NRG3: variants seen among roughly 807,000 people sequenced by gnomAD.
NRG3 encodes the protein pro-neuregulin-3, membrane-bound isoform.
A neutral mutation model predicts 66.9 loss-of-function variants in NRG3; 31 were observed. That is an observed-to-expected ratio of 0.46 (90% CI 0.35 to 0.63). The LOEUF (loss-of-function observed/expected upper bound fraction) is 0.63, where lower values mean the gene tolerates loss of function less well. Ranked by LOEUF, NRG3 falls within the 20% of genes least tolerant of loss-of-function variation. The pLI, the probability that NRG3 is intolerant of heterozygous loss-of-function variation, is 0.00. For missense variants in NRG3, 910 were observed against 878.9 expected (o/e 1.04, Z -0.45); for synonymous variants, 393 against 359.4 (o/e 1.09, Z -1.06).
intron 1 of NRG3, among the ~76,000 whole-genome samples, chr10:82,117,226 C>T (rs893972935): frequency 6.6e-6 from 1 of 152,262 alleles, no homozygotes; most frequent in Non-Finnish European, 1.5e-5. Flanking sequence ...GAGTTCTCCT[C>T]TCTCAGCTCT....
chr10:82,543,763 T>A (rs2043706766), intron 2 of NRG3, among the ~76,000 whole-genome samples: 1 of 152,204 alleles, frequency 6.6e-6, no homozygotes, highest in Non-Finnish European at 1.5e-5. Flanking sequence ...ATTCAAGGAT[T>A]CATTCGTTCA....
chr10:82,419,819 G>A (rs969304295), intron 2 of NRG3, among the ~76,000 whole-genome samples: 1 of 152,074 alleles, frequency 6.6e-6, no homozygotes, highest in East Asian at 1.9e-4. Context: ...TATTGACCCT[G>A]TTTTTCCTCC....
intron 2 of NRG3, among the ~76,000 whole-genome samples, chr10:82,408,085 CAGAAAGAAAGAAAGAA>C (rs71009807): frequency 0.012 from 896 of 74,832 alleles, 10 homozygotes; most frequent in Middle Eastern, 0.017. Flanking sequence ...GAGAGAGAGA[CAGAAAGAAAGAAAGAA>C]AGAAAGAAAG....
At chr10:82,924,476 A>T (rs753518499) in intron 4 of NRG3, among the ~76,000 whole-genome samples, 2 of 152,064 alleles carry the variant, frequency 1.3e-5, no homozygotes, top group Non-Finnish European at 2.9e-5. Flanking sequence ...CATAAGGCAG[A>T]AGAGGAAGCA....
intron 4 of NRG3, among the ~76,000 whole-genome samples, chr10:82,935,254 C>G (rs1371540854): frequency 1.3e-5 from 2 of 152,158 alleles, no homozygotes; most frequent in Admixed American, 6.5e-5. Context: ...AGAACGAGAT[C>G]GTCTCTAGAA....
At chr10:82,318,522 C>A (rs142702726) in intron 1 of NRG3, among the ~76,000 whole-genome samples, 1 of 152,292 alleles carries the variant, frequency 6.6e-6, no homozygotes, top group Non-Finnish European at 1.5e-5. Context: ...CTTCAGGACC[C>A]TTCTCGTTTG....
chr10:82,021,029 A>G (rs2132748189), intron 1 of NRG3, among the ~76,000 whole-genome samples: 2 of 152,048 alleles, frequency 1.3e-5, no homozygotes, highest in Middle Eastern at 6.8e-3. Flanking sequence ...GGAAGTGGAG[A>G]TGTGTGTGGT....
chr10:82,265,336 G>T (rs191290438), intron 1 of NRG3, among the ~76,000 whole-genome samples: 1 of 152,168 alleles, frequency 6.6e-6, no homozygotes, highest in Non-Finnish European at 1.5e-5. Context: ...CTGGATTTAT[G>T]TAAGGTATTA....
intron 1 of NRG3, among the ~76,000 whole-genome samples, chr10:82,152,595 G>A (rs1312147630): frequency 2.6e-5 from 4 of 151,900 alleles, no homozygotes; most frequent in African/African-American, 4.8e-5. Flanking sequence ...TGCCAGTTGC[G>A]GAACCTCAGA....
intron 2 of NRG3, among the ~76,000 whole-genome samples, chr10:82,670,752 A>G (rs1393726624): frequency 6.6e-6 from 1 of 152,132 alleles, no homozygotes; most frequent in Non-Finnish European, 1.5e-5. Context: ...CAAAACAAAA[A>G]CACAAATTTA....
intron 1 of NRG3, among the ~76,000 whole-genome samples, chr10:82,032,391 T>TTTG (rs142925186): frequency 0.74 from 111,865 of 150,586 alleles, 41,869 homozygotes; most frequent in Admixed American, 0.81. Flanking sequence ...TGGTTCCTGG[T>TTTG]TTGTTGTTGT....
chr10:82,299,568 G>A (rs1334002335), intron 1 of NRG3, among the ~76,000 whole-genome samples: 2 of 148,926 alleles, frequency 1.3e-5, no homozygotes, highest in Admixed American at 1.3e-4. Context: ...TTTTATTGTT[G>A]TTGTTAGTTT....
intron 1 of NRG3, among the ~76,000 whole-genome samples, chr10:82,233,557 T>C (rs1436357570): frequency 2.6e-5 from 4 of 152,166 alleles, no homozygotes; most frequent in African/African-American, 9.7e-5. Flanking sequence ...TGACTTTCAA[T>C]CCAGTAGCCT....
At position 82,936,728 on chromosome 10, in the gene NRG3, CAT is replaced by C. The variant is rs541099125; in HGVS notation, c.1055-14738_1055-14737del. ...TGTACACAATAAACACATATAATTT[CAT>C]ATGTCAATTTAAAAATAAGTAAATA... On this transcript the variant is annotated intron_variant, in intron 4 of 8. Coordinates refer to ENST00000372141, the MANE Select transcript of NRG3 (RefSeq NM_001010848.4). Among the ~76,000 whole-genome samples the C allele has an allele frequency of 1.8e-3, 271 of 152,072 alleles. 1 individual carries two copies. The highest frequency in any genetic ancestry group is 2.8e-3 in the Non-Finnish European group (190 of 67,996).
chr10:82,035,087 G>A (rs956682709), intron 1 of NRG3, among the ~76,000 whole-genome samples: 1 of 152,060 alleles, frequency 6.6e-6, no homozygotes, highest in African/African-American at 2.4e-5. Flanking sequence ...TTACCAAGCT[G>A]CCCTGTAGTT....
intron 1 of NRG3, among the ~76,000 whole-genome samples, chr10:82,282,283 T>A (rs2134456572): frequency 6.7e-6 from 1 of 149,910 alleles, no homozygotes; most frequent in African/African-American, 2.5e-5. Flanking sequence ...TATTTATTTA[T>A]TTATTTATTA....
chr10:82,532,054 T>C (rs1198791271), intron 2 of NRG3, among the ~76,000 whole-genome samples: 1 of 151,932 alleles, frequency 6.6e-6, no homozygotes, highest in Non-Finnish European at 1.5e-5. Context: ...TATGTGATAC[T>C]TTGATATAAG....
chr10:82,173,481 C>T (rs10884296), intron 1 of NRG3, among the ~76,000 whole-genome samples: 10,206 of 151,970 alleles, frequency 0.067, 522 homozygotes, highest in African/African-American at 0.14. Flanking sequence ...TGCATACACA[C>T]CTATTAAAAC....
intron 1 of NRG3, among the ~76,000 whole-genome samples, chr10:82,224,024 A>G (rs1328403581): frequency 6.6e-6 from 1 of 152,206 alleles, no homozygotes; most frequent in Non-Finnish European, 1.5e-5. Context: ...GCATCAGAAA[A>G]GCCAGTTGTG....
Sources: gnomAD v4.1 joint callset for allele counts (sites outside exome capture counted in the v4.1 genomes callset) on GRCh38, gnomAD v4.1.1 for gene constraint, MANE v1.5 for transcripts, NCBI Gene and HGNC (gene_info 2026-07-23, HGNC 2026-07-21) for gene names.